The following TBC1D31 variants were observed in gnomAD, a reference collection of about 807,000 sequenced individuals.
TBC1D31 encodes TBC1 domain family member 31, also known as WD repeat domain 67.
TBC1D31 carries 99 observed loss-of-function variants against 132.9 expected under a neutral mutation model. That is an observed-to-expected ratio of 0.74 (90% CI 0.63 to 0.88). The LOEUF is 0.88. Among genes scored for constraint, TBC1D31 ranks in the 40% least tolerant of loss-of-function variants. The pLI, the probability that TBC1D31 is intolerant of heterozygous loss-of-function variation, is 0.00. For synonymous variants in TBC1D31, 385 were observed against 419.4 expected (o/e 0.92, Z 1.00); for missense variants, 1,134 against 1,256.6 (o/e 0.90, Z 1.48).
the TBC1D31 span, among the ~76,000 whole-genome samples, chr8:123,164,422 A>C: frequency 3.0e-4 from 46 of 152,250 alleles, no homozygotes; most frequent in Non-Finnish European, 5.0e-4. Flanking sequence ...GAAAGGAAAA[A>C]GAATGAAGAA....
chr8:123,089,182 T>C (rs554967301), intron 4 of TBC1D31, among the ~76,000 whole-genome samples: 136 of 152,312 alleles, frequency 8.9e-4, no homozygotes, highest in African/African-American at 3.2e-3. Context: ...GGATACTCAA[T>C]TGGTGAGTAT....
chr8:123,159,256 G>A, the TBC1D31 span, among the ~76,000 whole-genome samples: 2 of 137,592 alleles, frequency 1.5e-5, no homozygotes, highest in Admixed American at 1.5e-4. Flanking sequence ...CCCTGAAGTC[G>A]TATTTGAACA....
At chr8:123,080,970 A>G (rs1815091981) in intron 2 of TBC1D31, among the ~76,000 whole-genome samples, 1 of 152,182 alleles carries the variant, frequency 6.6e-6, no homozygotes, top group African/African-American at 2.4e-5. Flanking sequence ...TTAGCAGCAG[A>G]GCTGGGACTT....
At chr8:123,144,605 C>A in intron 19 of TBC1D31, 112 bp from the exon 20 acceptor site, 2 of 1,045,734 alleles carry the variant, frequency 1.9e-6, no homozygotes, top group African/African-American at 1.6e-5. Context: ...TCCTACTTGC[C>A]ATGGGAATAT....
At chr8:123,087,841 G>A (rs1815923376) in intron 4 of TBC1D31, among the ~76,000 whole-genome samples, 1 of 152,194 alleles carries the variant, frequency 6.6e-6, no homozygotes, top group Non-Finnish European at 1.5e-5. Context: ...AACTAAATGT[G>A]AAAATGTATG....
intron 4 of TBC1D31, among the ~76,000 whole-genome samples, chr8:123,090,159 GTTATT>G (rs1816192766): frequency 6.6e-6 from 1 of 152,094 alleles, no homozygotes; most frequent in Non-Finnish European, 1.5e-5. Context: ...ATTTTAAATA[GTTATT>G]TTAAAGCTTT....
intron 4 of TBC1D31, among the ~76,000 whole-genome samples, chr8:123,089,108 C>T (rs1816077289): frequency 6.6e-6 from 1 of 152,070 alleles, no homozygotes; most frequent in South Asian, 2.1e-4. Context: ...TAACATGATA[C>T]TCAAATATCA....
chr8:123,128,578 T>C, intron 14 of TBC1D31, 65 bp downstream of exon 14: 1 of 1,285,948 alleles, frequency 7.8e-7, no homozygotes, highest in Non-Finnish European at 1.1e-6. Context: ...AAGAAAGTTT[T>C]AATGAAAAAT....
chr8:123,075,613 G>A (rs1586532579), intron 1 of TBC1D31, among the ~76,000 whole-genome samples: 1 of 152,080 alleles, frequency 6.6e-6, no homozygotes, highest in African/African-American at 2.4e-5. Context: ...TGAGGCAGGA[G>A]AATCACTTGA....
chr8:123,121,694 G>T (rs1474571699), intron 11 of TBC1D31, among the ~76,000 whole-genome samples: 1 of 152,096 alleles, frequency 6.6e-6, no homozygotes, highest in Non-Finnish European at 1.5e-5. Context: ...TGCTTGCACA[G>T]CCTGCAGAGC....
chr8:123,150,042 C>A lies in TBC1D31; in HGVS notation c.2981C>A (p.Pro994His), dbSNP rs1438744083. The A allele has an allele frequency of 6.2e-7, 1 of 1,613,550 alleles. No individual in the cohort carries two copies. The highest frequency in any genetic ancestry group is 2.2e-5 in the East Asian group (1 of 44,858). ...CTCCTCACTTTTATAACAGAAGAAC[C>A]CAGGTTCCAAAATGAACAGGACTCA... ...HAENPCHKEE[P>H]RFQNEQDSSC... The change falls in exon 21 of 22, where the codon CCC becomes CAC. Residue 994 changes from proline to histidine, a missense_variant. Pro to His is a moderately conservative substitution (Grantham distance 77). Coordinates refer to ENST00000287380, the MANE Select transcript of TBC1D31 (RefSeq NM_145647.4).
intron 2 of TBC1D31, among the ~76,000 whole-genome samples, chr8:123,082,313 A>G (rs544307136): frequency 2.6e-5 from 4 of 151,908 alleles, no homozygotes; most frequent in East Asian, 1.9e-4. Flanking sequence ...TCTTCACTCC[A>G]TGTTGAATCC....
At chr8:123,127,432 A>G (rs1226703770) in intron 13 of TBC1D31, among the ~76,000 whole-genome samples, 1 of 151,216 alleles carries the variant, frequency 6.6e-6, no homozygotes, top group African/African-American at 2.4e-5. Context: ...CACCACGCCC[A>G]GCTAAGTTTT....
At position 123,128,507 on chromosome 8, in the gene TBC1D31, G is replaced by A; in HGVS notation, c.2111G>A (p.Arg704Lys). The change falls in exon 14 of 22, where the codon AGA becomes AAA. Residue 704 changes from arginine (R) to lysine (K), a missense_variant. By Grantham distance (26) the Arg-to-Lys change is conservative. Coordinates refer to ENST00000287380, the MANE Select transcript of TBC1D31 (RefSeq NM_145647.4). ...RIRNDELDYLRERQTVEDMQA... is the reference protein window; with the variant it reads ...RIRNDELDYLKERQTVEDMQA... ...AGGAATGATGAATTGGATTACTTAA[G>A]AGAGAGGTAATTATGGAATAGTTTT... The A allele has an allele frequency of 6.3e-7, 1 of 1,581,768 alleles. No homozygotes were observed. The highest frequency in any genetic ancestry group is 8.7e-7 in the Non-Finnish European group (1 of 1,151,258).
In TBC1D31 at chr8:123,109,621, G is replaced by T; in HGVS notation, c.1436+1G>T. 6.2e-7 allele frequency: 1 copy of T among 1,607,620 alleles called. No individual in the cohort carries two copies. Among genetic ancestry groups the T allele is most frequent in the Non-Finnish European group, 8.5e-7 (1 of 1,178,060 alleles). On this transcript the variant is annotated splice_donor_variant, in intron 10 of 21. Transcript: ENST00000287380. LOFTEE classifies it high-confidence loss of function. ...GGAAGCTACTCAGAGTATTACAGAG[G>T]TATGTTCTATATATTGCAGCAATGT...
chr8:123,151,790 A>T lies in TBC1D31; in HGVS notation c.3068-16A>T. The T allele has an allele frequency of 6.5e-7, 1 of 1,547,224 alleles. No individual in the cohort carries two copies. The highest frequency in any genetic ancestry group is 8.6e-7 in the Non-Finnish European group (1 of 1,159,274). ...AGAAAACTCAGCTTTTCTAAATTTT[A>T]AATTTCGTTTTCAAGTTTCTTTAAA... On this transcript the variant is annotated splice_polypyrimidine_tract_variant and intron_variant, in intron 21 of 21. Coordinates refer to ENST00000287380, the MANE Select transcript of TBC1D31 (RefSeq NM_145647.4).
intron 7 of TBC1D31, among the ~76,000 whole-genome samples, chr8:123,101,325 C>G (rs1450976198): frequency 6.6e-6 from 1 of 152,168 alleles, no homozygotes; most frequent in African/African-American, 2.4e-5. Flanking sequence ...AGGCTAGAAA[C>G]CTTGAAGTTC....
chr8:123,155,915 TGA>T (rs745961924), downstream of TBC1D31, among the ~76,000 whole-genome samples: 3 of 152,210 alleles, frequency 2.0e-5, no homozygotes, highest in Non-Finnish European at 4.4e-5. The surrounding 1 kb of genome is among the most constrained non-coding windows in gnomAD (Gnocchi z 4.1). Context: ...AAAGGAGTCT[TGA>T]GCAAAGTTTG....
chr8:123,105,266 A>G, intron 7 of TBC1D31, 22 bp from the exon 8 acceptor site: 1 of 1,492,752 alleles, frequency 6.7e-7, no homozygotes, highest in Non-Finnish European at 8.9e-7. Flanking sequence ...TAGAATATAT[A>G]TATATTTATT....
Sources: allele counts gnomAD v4.1 joint callset (sites outside exome capture counted in the v4.1 genomes callset), GRCh38; gene constraint gnomAD v4.1.1; non-coding constraint Gnocchi (gnomAD v3.1); transcripts MANE v1.5; gene names NCBI Gene and HGNC (gene_info 2026-07-23, HGNC 2026-07-21).